Variants in DPF3 observed in about 807,000 individuals in gnomAD.
The protein encoded by DPF3 is zinc finger protein DPF3.
In DPF3, 18 loss-of-function variants were observed where a neutral mutation model predicts 56.8. The observed-to-expected ratio is 0.32, with a 90% CI of 0.22 to 0.47. The LOEUF (loss-of-function observed/expected upper bound fraction) is 0.47, where lower values mean the gene tolerates loss of function less well. DPF3 is among the 20% of genes least tolerant of loss of function. The pLI, the probability that DPF3 is intolerant of heterozygous loss-of-function variation, is 1.00. For synonymous variants in DPF3, 188 were observed against 180.2 expected, an observed-to-expected ratio of 1.04 and a Z score of -0.35; for missense variants, 403 against 488.8, an observed-to-expected ratio of 0.82 and a Z score of 1.65.
chr14:72,805,930 A>T (rs902385294), intron 1 of DPF3: 1 of 152,128 alleles, frequency 6.6e-6, no homozygotes, highest in Non-Finnish European at 1.5e-5. Context: ...GCTCTCTCTA[A>T]TGGGGACCTT....
Position 72,701,277 on chromosome 14 carries a change from C to T in DPF3, c.605-8064G>A, listed in dbSNP as rs180922905. On this transcript the variant is annotated intron_variant, in intron 6 of 10. Coordinates refer to ENST00000556509, the MANE Select transcript of DPF3 (RefSeq NM_001280542.3). The stretch of plus-strand genomic sequence containing the variant: ...TTCTTTTCACCTTGGCAAGCGTGCA[C>T]CTGGATTTTGTGTTCCTGGCATGGT... Among the ~76,000 whole-genome samples, 301 of 152,304 alleles carry T rather than the reference C, an allele frequency of 2.0e-3. 1 individual carries two copies. The highest frequency in any genetic ancestry group is 7.0e-3 in the African/African-American group (289 of 41,564).
chr14:72,624,280 TTAAC>T (rs1884663388), intron 9 of DPF3, among the ~76,000 whole-genome samples: 1 of 151,502 alleles, frequency 6.6e-6, no homozygotes. Flanking sequence ...TGTAATACTG[TTAAC>T]TAATCTACAG....
intron 1 of DPF3, among the ~76,000 whole-genome samples, chr14:72,854,761 C>T (rs1461311117): frequency 6.6e-6 from 1 of 152,154 alleles, no homozygotes. Flanking sequence ...CAGCCTGGCC[C>T]TGAAATCAAA....
Position 72,678,155 on chromosome 14 carries a change from G to A in DPF3, c.743-3787C>T, listed in dbSNP as rs555995274. Among the ~76,000 whole-genome samples, 19 of 152,272 alleles carry A rather than the reference G, an allele frequency of 1.2e-4. No individual in the cohort carries two copies. The East Asian group carries it at 2.7e-3, about 22-fold the overall frequency. Reference sequence around the variant, plus strand: ...GATTAAAGCGCTGGCTCCAAGCCTCGGTTGGGCTCTTCGAAGGCAGGTTTC... The same window carrying A: ...GATTAAAGCGCTGGCTCCAAGCCTCAGTTGGGCTCTTCGAAGGCAGGTTTC... On this transcript the variant is annotated intron_variant, in intron 7 of 10. Coordinates refer to ENST00000556509, the MANE Select transcript of DPF3 (RefSeq NM_001280542.3).
At chr14:72,752,440 A>T (rs1890618628) in intron 3 of DPF3, among the ~76,000 whole-genome samples, 1 of 152,216 alleles carries the variant, frequency 6.6e-6, no homozygotes, top group Non-Finnish European at 1.5e-5. Context: ...AGGCAGGCAG[A>T]TCGCTTGAGG....
chr14:72,687,347 A>G (rs768346176), intron 7 of DPF3, among the ~76,000 whole-genome samples: 4 of 152,236 alleles, frequency 2.6e-5, no homozygotes, highest in Non-Finnish European at 5.9e-5. Context: ...AGCTCTGAGT[A>G]TGCTATAGAG....
intron 1 of DPF3, among the ~76,000 whole-genome samples, chr14:72,786,032 C>T (rs1020211450): frequency 3.3e-5 from 5 of 152,246 alleles, no homozygotes; most frequent in Middle Eastern, 3.4e-3. Context: ...GAAGCCGAGG[C>T]GGGTGGATCA....
chr14:72,756,834 A>AAGAC (rs1890816138), intron 2 of DPF3, among the ~76,000 whole-genome samples: 1 of 103,854 alleles, frequency 9.6e-6, no homozygotes, highest in African/African-American at 3.8e-5. Flanking sequence ...GAAAGAAAGA[A>AAGAC]AGAAAGAAAG....
At chr14:72,809,868 T>C (rs982751792) in intron 1 of DPF3, among the ~76,000 whole-genome samples, 4 of 152,162 alleles carry the variant, frequency 2.6e-5, no homozygotes, top group African/African-American at 9.6e-5. Context: ...AGTGCTTGAG[T>C]CCCCTCACTA....
At chr14:72,727,480 G>A (rs1599388332) in intron 4 of DPF3, among the ~76,000 whole-genome samples, 1 of 151,956 alleles carries the variant, frequency 6.6e-6, no homozygotes, top group East Asian at 1.9e-4. Flanking sequence ...GAAGGCTGAG[G>A]CAGGAGAATC....
chr14:72,738,929 G>A (rs1890013786), intron 3 of DPF3, among the ~76,000 whole-genome samples: 1 of 152,040 alleles, frequency 6.6e-6, no homozygotes, highest in Non-Finnish European at 1.5e-5. Context: ...AAAGCTCGGA[G>A]GGAATAAAAA....
intron 1 of DPF3, among the ~76,000 whole-genome samples, chr14:72,824,397 C>A (rs979922306): frequency 6.6e-6 from 1 of 152,106 alleles, no homozygotes; most frequent in Non-Finnish European, 1.5e-5. Context: ...ACCAGTATCT[C>A]CTTTCCCCCC....
At chr14:72,670,854 A>G in intron 8 of DPF3, 1 of 1,170,684 alleles carries the variant, frequency 8.5e-7, no homozygotes, top group Non-Finnish European at 1.1e-6. Flanking sequence ...CTAACTTCCT[A>G]TTTCTATGGA....
rs1441127405 is a variant in DPF3, at chr14:72,610,185, A to G, written c.*9112T>C. On this transcript the variant is annotated 3_prime_UTR_variant, in exon 11 of 11. Coordinates refer to ENST00000556509, the MANE Select transcript of DPF3 (RefSeq NM_001280542.3). Reference sequence around the variant, plus strand: ...AATCCCAGGTTTGCTTCGTATCTGCAGGTCTAGAGACATCAATGGAGGCAG... The same window carrying G: ...AATCCCAGGTTTGCTTCGTATCTGCGGGTCTAGAGACATCAATGGAGGCAG... Among the ~76,000 whole-genome samples the G allele has an allele frequency of 6.6e-6, 1 of 152,226 alleles. No individual in the cohort carries two copies. The highest frequency in any genetic ancestry group is 1.5e-5 in the Non-Finnish European group (1 of 68,034).
At chr14:72,865,665 G>A (rs185868473) in intron 1 of DPF3, among the ~76,000 whole-genome samples, 1 of 152,208 alleles carries the variant, frequency 6.6e-6, no homozygotes, top group African/African-American at 2.4e-5. Context: ...GAAACCACAG[G>A]GGGGTAAGGA....
rs1452435164 is a variant in DPF3 at position 72,619,751 on chromosome 14, G to GT, written c.1066+151dup. ...CCTCATCTGTAAAATGGCAGTCGTC[G>GT]TACCTACCTTGTGGGGTTGTGATGA... On this transcript the variant is annotated intron_variant, in intron 10 of 10. Transcript: ENST00000556509. Among the ~76,000 whole-genome samples, 4 of 152,272 alleles carry GT rather than the reference G, an allele frequency of 2.6e-5. No individual in the cohort carries two copies. In the East Asian group the frequency reaches 7.7e-4, roughly 29 times the overall value.
intron 1 of DPF3, among the ~76,000 whole-genome samples, chr14:72,800,417 G>A (rs557507958): frequency 1.4e-4 from 21 of 151,922 alleles, no homozygotes; most frequent in Non-Finnish European, 2.6e-4. Context: ...TGGATGGATG[G>A]ATGGACGGAC....
At position 72,613,592 on chromosome 14, in the gene DPF3, C is replaced by A. The variant is rs992047629; in HGVS notation, c.*5705G>T. Among the ~76,000 whole-genome samples, 4 of 152,154 alleles carry A rather than the reference C, an allele frequency of 2.6e-5. No homozygotes were observed. Among genetic ancestry groups the A allele is most frequent in the African/African-American group, 9.7e-5 (4 of 41,426 alleles). On this transcript the variant is annotated 3_prime_UTR_variant, in exon 11 of 11. Transcript: ENST00000556509. ...GGGGACAGAAGCTGGAACAAAGGGC[C>A]CTGGGGAGTCACCTCAGGACCCCCT...
chr14:72,853,830 C>T (rs1054025028), intron 1 of DPF3, among the ~76,000 whole-genome samples: 3 of 152,148 alleles, frequency 2.0e-5, no homozygotes, highest in Non-Finnish European at 4.4e-5. Context: ...ACCCTCATGT[C>T]ACCATCTACA....
Sources: allele counts gnomAD v4.1 joint callset (sites outside exome capture counted in the v4.1 genomes callset), GRCh38; gene constraint gnomAD v4.1.1; transcripts MANE v1.5; gene names NCBI Gene and HGNC (gene_info 2026-07-23, HGNC 2026-07-21).